ADH5: variants seen among roughly 807,000 people sequenced by gnomAD.
ADH5 encodes alcohol dehydrogenase class-3.
ADH5 carries 32 observed loss-of-function variants against 40.3 expected under a neutral mutation model. The observed-to-expected ratio is 0.79, with a 90% CI of 0.60 to 1.07. ADH5 has a LOEUF of 1.07. Ranked by LOEUF, ADH5 falls within the 50% of genes least tolerant of loss-of-function variation. The pLI, the probability that ADH5 is intolerant of heterozygous loss-of-function variation, is 0.00. For synonymous variants in ADH5, 125 were observed against 154.3 expected, an observed-to-expected ratio of 0.81 and a Z score of 1.41; for missense variants, 353 against 460.5, an observed-to-expected ratio of 0.77 and a Z score of 2.14.
intron 7 of ADH5, among the ~76,000 whole-genome samples, chr4:99,073,274 G>GT (rs1310458469): frequency 6.6e-6 from 1 of 152,222 alleles, no homozygotes; most frequent in Non-Finnish European, 1.5e-5. Flanking sequence ...TGCCTCCCAG[G>GT]TTCACGCCAT....
At chr4:99,086,939 CAAAAAAAAAA>C (rs58359709) in intron 1 of ADH5, among the ~76,000 whole-genome samples, 1 of 64,290 alleles carries the variant, frequency 1.6e-5, no homozygotes, top group African/African-American at 7.1e-5. Context: ...GACTGCGTCT[CAAAAAAAAAA>C]AAAAAAAAAA....
chr4:99,088,568 G>A, intron 1 of ADH5, 121 bp downstream of exon 1: 1 of 1,085,744 alleles, frequency 9.2e-7, no homozygotes, highest in Non-Finnish European at 1.3e-6. Context: ...CCCAGTTTCA[G>A]AACCAAGAGC....
chr4:99,079,899 C>T (rs563263800), intron 4 of ADH5: 38 of 414,178 alleles, frequency 9.2e-5, no homozygotes, highest in African/African-American at 6.1e-4. Flanking sequence ...CAAATTTAGC[C>T]TGCTGTTATG....
intron 2 of ADH5, 26 bp from the exon 3 acceptor site, chr4:99,082,142 G>A: frequency 1.2e-6 from 2 of 1,609,324 alleles, no homozygotes; most frequent in Non-Finnish European, 1.7e-6. Context: ...AACAACGAAT[G>A]TGTAAGTATG....
intron 2 of ADH5, among the ~76,000 whole-genome samples, chr4:99,084,167 C>T (rs28730582): frequency 0.031 from 4,786 of 152,208 alleles, 77 homozygotes; most frequent in Admixed American, 0.041. Flanking sequence ...CTTGAATAGG[C>T]GCTGGGTAAA....
In ADH5 at chr4:99,072,623, C is replaced by A. The variant is rs1473152767; in HGVS notation, c.1050G>T (p.Leu350=). Reference sequence around the variant, plus strand: ...AGGCTTTGTTGATTTCATCAAAAGACAGATTGTGAGTCACAAATTCATCAA... The same window carrying A: ...AGGCTTTGTTGATTTCATCAAAAGAAAGATTGTGAGTCACAAATTCATCAA... The part of the protein sequence containing the change: ...IKVDEFVTHN[L]SFDEINKAFE... Residue 350 remains leucine, a synonymous_variant, in exon 8 of 9, where the codon CTG becomes CTT. Transcript: ENST00000296412. 3 of 1,613,530 alleles carry A rather than the reference C, an allele frequency of 1.9e-6. No individual in the cohort carries two copies. The African/African-American group carries it at 4.0e-5, about 22-fold the overall frequency.
Position 99,087,984 on chromosome 4 carries a change from T to C in ADH5, c.12+705A>G, listed in dbSNP as rs144245001. 8.3e-3 allele frequency among the ~76,000 whole-genome samples: 1,269 copies of C among 152,322 alleles called. 13 individuals are homozygous for C. Among genetic ancestry groups the C allele is most frequent in the African/African-American group, 0.027 (1,125 of 41,562 alleles). On this transcript the variant is annotated intron_variant, in intron 1 of 8. Transcript: ENST00000296412. The stretch of plus-strand genomic sequence containing the variant: ...GTAATTTCTGCCTTTCTTTACTGTC[T>C]AATTTGTATTTTATGAATTTGTCAT...
In ADH5 at chr4:99,075,065, T is replaced by C. The variant is rs1334007495; in HGVS notation, c.826-16A>G. The C allele has an allele frequency of 6.4e-7, 1 of 1,567,166 alleles. No individual in the cohort carries two copies. Among genetic ancestry groups the C allele is most frequent in the East Asian group, 2.3e-5 (1 of 43,374 alleles). ...GTGCTGCTCTCTGCAGGCACAGAGA[T>C]ATGACCAAATCACAGAAGTCAGTGC... On this transcript the variant is annotated splice_polypyrimidine_tract_variant and intron_variant, in intron 6 of 8. Coordinates refer to ENST00000296412, the MANE Select transcript of ADH5 (RefSeq NM_000671.4).
At chr4:99,087,257 C>T (rs1005565962) in intron 1 of ADH5, among the ~76,000 whole-genome samples, 1 of 151,954 alleles carries the variant, frequency 6.6e-6, no homozygotes, top group Non-Finnish European at 1.5e-5. Context: ...TGACGGGCGC[C>T]GGTAATCCCA....
intron 7 of ADH5, among the ~76,000 whole-genome samples, chr4:99,073,465 A>T (rs1188121538): frequency 7.0e-6 from 1 of 141,864 alleles, no homozygotes; most frequent in Non-Finnish European, 1.5e-5. Context: ...GGCGTGAGCC[A>T]CCAGGCCCGA....
rs1391909158 is a variant in ADH5 at position 99,081,348 on chromosome 4, C to G, written c.344+17G>C. ...CGCAGCACTTGTGTTTTAAGAAGAA[C>G]ATAAAAAGATACTAACCTTATCTTC... is the stretch of plus-strand genomic sequence containing the variant. On this transcript the variant is annotated intron_variant, in intron 4 of 8. Coordinates refer to ENST00000296412, the MANE Select transcript of ADH5 (RefSeq NM_000671.4). The G allele has an allele frequency of 1.3e-6, 2 of 1,497,416 alleles. No homozygotes were observed. The highest frequency in any genetic ancestry group is 1.8e-6 in the Non-Finnish European group (2 of 1,086,772). The allele number at this position is 1,497,416 out of a possible 1,614,324, so 92.8% of individuals were successfully genotyped here.
At chr4:99,076,216 A>G (rs1727925559) in intron 6 of ADH5, 76 bp downstream of exon 6, 1 of 1,523,874 alleles carries the variant, frequency 6.6e-7, no homozygotes, top group African/African-American at 1.4e-5. Context: ...TGCCAAAACA[A>G]AACAATTTTT....
Position 99,072,298 on chromosome 4 carries a change from C to A in ADH5, c.*119G>T, listed in dbSNP as rs1159526460. 15 of 850,860 alleles carry A rather than the reference C, an allele frequency of 1.8e-5. No individual in the cohort carries two copies. In the South Asian group the frequency reaches 2.8e-4, roughly 16 times the overall value. 52.7% of individuals were successfully genotyped at this position (850,860 alleles called of 1,614,324 possible). A position where few individuals can be genotyped will look rare whatever the true frequency, so the allele number is the denominator to read the frequency against. On this transcript the variant is annotated 3_prime_UTR_variant, in exon 9 of 9. Transcript: ENST00000296412. ...AGATTCATGAATGACACACATAACC[C>A]TATTTTCTGGAGTAGCTGTGAAGCT...
At chr4:99,080,497 C>A (rs930669835) in intron 4 of ADH5, 1 of 79,728 alleles carries the variant, frequency 1.3e-5, no homozygotes, top group Non-Finnish European at 2.6e-5. Flanking sequence ...CATCCCCCCG[C>A]TTCTTTCTTT....
intron 3 of ADH5, 32 bp from the exon 4 acceptor site, chr4:99,081,484 G>A (rs1195628402): frequency 7.0e-7 from 1 of 1,419,368 alleles, no homozygotes; most frequent in Non-Finnish European, 9.8e-7. Context: ...TCCTGAATAG[G>A]TAGTATCTAT....
rs1727852272 is a variant in ADH5 at position 99,072,409 on chromosome 4, C to T, written c.*8G>A. Reference sequence around the variant, plus strand: ...ACGACAGGATGGACATTATTTTTCTCTTTTGAATTAAATCTTTACAACAGT... The same window carrying T: ...ACGACAGGATGGACATTATTTTTCTTTTTTGAATTAAATCTTTACAACAGT... On this transcript the variant is annotated 3_prime_UTR_variant, in exon 9 of 9. Coordinates refer to ENST00000296412, the MANE Select transcript of ADH5 (RefSeq NM_000671.4). The T allele has an allele frequency of 6.2e-7, 1 of 1,612,856 alleles. No homozygotes were observed. Among genetic ancestry groups the T allele is most frequent in the South Asian group, 1.1e-5 (1 of 90,966 alleles).
intron 2 of ADH5, among the ~76,000 whole-genome samples, chr4:99,083,266 A>G (rs1728063361): frequency 6.6e-6 from 1 of 152,118 alleles, no homozygotes; most frequent in African/African-American, 2.4e-5. Context: ...ACACTATTAT[A>G]TGATTTCAAA....
chr4:99,080,550 C>G (rs903050004), intron 4 of ADH5: 2 of 152,606 alleles, frequency 1.3e-5, no homozygotes, highest in African/African-American at 4.8e-5. Context: ...CCCTTGAGAG[C>G]TGCACAAGTT....
At chr4:99,073,765 C>T (rs947713673) in intron 7 of ADH5, among the ~76,000 whole-genome samples, 2 of 152,160 alleles carry the variant, frequency 1.3e-5, no homozygotes, top group African/African-American at 4.8e-5. Context: ...ATCAGCAATG[C>T]AAGGGGCCTC....
Sources: allele counts gnomAD v4.1 joint callset (sites outside exome capture counted in the v4.1 genomes callset), GRCh38; gene constraint gnomAD v4.1.1; transcripts MANE v1.5; gene names NCBI Gene and HGNC (gene_info 2026-07-23, HGNC 2026-07-21).